The following APC variants were observed in gnomAD, a reference collection of about 807,000 sequenced individuals.
APC encodes adenomatous polyposis coli protein.
In APC, 72 loss-of-function variants were observed where a neutral mutation model predicts 247.0. That is an observed-to-expected ratio of 0.29 (90% CI 0.24 to 0.35). The LOEUF is 0.35. Ranked by LOEUF, APC falls within the 10% of genes least tolerant of loss-of-function variation. APC has a pLI of 1.00. For missense variants in APC, 3,400 were observed against 3,360.7 expected, an observed-to-expected ratio of 1.01 and a Z score of -0.29; for synonymous variants, 1,254 against 1,162.5, an observed-to-expected ratio of 1.08 and a Z score of -1.60.
At chr5:112,826,086 C>T (rs542161672) in intron 11 of APC, among the ~76,000 whole-genome samples, 128 of 152,286 alleles carry the variant, frequency 8.4e-4, no homozygotes, top group African/African-American at 2.8e-3. Flanking sequence ...TCTTGACCCA[C>T]GACAGAACTT....
intron 8 of APC, 79 bp downstream of exon 8, chr5:112,801,462 A>T (rs1580455907): frequency 1.9e-6 from 2 of 1,058,510 alleles, no homozygotes; most frequent in Non-Finnish European, 2.8e-6. Context: ...TCTAAGAATG[A>T]TCTATAAATC....
chr5:112,778,293 C>G (rs2149628353), intron 5 of APC: 1 of 152,568 alleles, frequency 6.6e-6, no homozygotes, highest in Admixed American at 6.5e-5. Context: ...CTGTCAGCCT[C>G]TCCCTCTCCA....
intron 4 of APC, 62 bp downstream of exon 4, chr5:112,767,452 TA>T: frequency 7.6e-7 from 1 of 1,317,796 alleles, no homozygotes; most frequent in South Asian, 1.3e-5. Flanking sequence ...TATTTTGTAA[TA>T]TAATATTTAA....
chr5:112,834,433 CG>C (rs1348837319), intron 14 of APC, among the ~76,000 whole-genome samples: 2 of 150,702 alleles, frequency 1.3e-5, no homozygotes, highest in Admixed American at 6.6e-5. Flanking sequence ...TTTGTAGAGA[CG>C]GGGTTTTACC....
rs757164742 is a variant in APC at position 112,838,161 on chromosome 5, G to A, written c.2567G>A (p.Arg856His). Residue 856 changes from arginine (R) to histidine (H), a missense_variant, in exon 16 of 16, where the codon CGC becomes CAC. Physicochemically the swap from Arg to His is conservative, Grantham distance 29. This residue lies in a region of APC where 715 missense variants were observed against 656.6 expected (regional missense o/e 1.09). Transcript: ENST00000257430. ...AAAGATAGAAGTTTGGAGAGAGAAC[G>A]CGGAATTGGTCTAGGCAACTACCAT... ...SEKDRSLERE[R>H]GIGLGNYHPA... The A allele has an allele frequency of 3.7e-6, 6 of 1,614,116 alleles. No individual in the cohort carries two copies. Among genetic ancestry groups the A allele is most frequent in the East Asian group, 2.2e-5 (1 of 44,874 alleles).
chr5:112,843,498 C>A lies in APC; in HGVS notation c.7904C>A (p.Thr2635Lys), dbSNP rs2149995926. The change falls in exon 16 of 16, where the codon ACA becomes AAA. Residue 2635 changes from threonine to lysine, a missense_variant. Thr to Lys is a moderately conservative substitution (Grantham distance 78, BLOSUM62 -1). Coordinates refer to ENST00000257430, the MANE Select transcript of APC (RefSeq NM_000038.6). The surrounding 1 kb of genome is among the most constrained non-coding windows in gnomAD (Gnocchi z 4.8). ...TCTCAGACCGTTTCCTCAGGTGCTA[C>A]AAATGGTGCTGAATCAAAGACTCTA... ...STSQTVSSGA[T>K]NGAESKTLIY... is the part of the protein sequence containing the mutation. The A allele has an allele frequency of 1.9e-6, 3 of 1,613,898 alleles. No homozygotes were observed. Among genetic ancestry groups the A allele is most frequent in the Non-Finnish European group, 2.5e-6 (3 of 1,179,796 alleles).
At chr5:112,732,368 G>A (rs958778263) in intron 1 of APC, among the ~76,000 whole-genome samples, 2 of 152,102 alleles carry the variant, frequency 1.3e-5, no homozygotes, top group African/African-American at 4.8e-5. Context: ...AAAGCTCCTC[G>A]GAGTACTAAA....
chr5:112,713,850 G>T (rs1751005064), intron 1 of APC, among the ~76,000 whole-genome samples: 1 of 152,092 alleles, frequency 6.6e-6, no homozygotes, highest in Non-Finnish European at 1.5e-5. Context: ...TAGAGACAGG[G>T]TTTCGCAATG....
intron 5 of APC, 107 bp from the exon 6 acceptor site, chr5:112,780,683 A>G (rs1458974514): frequency 3.9e-6 from 3 of 764,398 alleles, no homozygotes; most frequent in South Asian, 1.5e-5. Flanking sequence ...ACCATGACTG[A>G]CGTATTTGCT....
intron 1 of APC, among the ~76,000 whole-genome samples, chr5:112,749,555 G>A (rs75448677): frequency 7.0e-6 from 1 of 143,554 alleles, no homozygotes; most frequent in African/African-American, 2.6e-5. Context: ...CATGATCTTG[G>A]CTTACTGCAA....
Position 112,842,978 on chromosome 5 carries a change from T to A in APC, c.7384T>A (p.Phe2462Ile), listed in dbSNP as rs2149985791. 1 of 1,614,060 alleles carries A rather than the reference T, an allele frequency of 6.2e-7. No homozygotes were observed. The change falls in exon 16 of 16, where the codon TTT becomes ATT. Residue 2462 changes from phenylalanine to isoleucine, a missense_variant. By Grantham distance (21) the Phe-to-Ile change is conservative. This residue lies in a region of APC where 1,788 missense variants were observed against 1,649.5 expected (regional missense o/e 1.08). Transcript: ENST00000257430. ...LRRKLEESAS[F>I]ESLSPSSRPA... ...AAGAAAATTGGAGGAATCTGCTTCA[T>A]TTGAATCTCTTTCTCCATCATCTAG...
intron 8 of APC, among the ~76,000 whole-genome samples, chr5:112,805,107 CTG>C (rs1382950498): frequency 6.6e-6 from 1 of 150,496 alleles, no homozygotes; most frequent in African/African-American, 2.4e-5. Flanking sequence ...GTTCTTTAAA[CTG>C]TTATCAATAG....
chr5:112,783,741 G>T, intron 6 of APC: 1 of 306,154 alleles, frequency 3.3e-6, no homozygotes, highest in South Asian at 2.5e-5. Flanking sequence ...AGGCTGCAGT[G>T]AGCTACAATC....
chr5:112,727,674 G>A (rs1751863501), intron 1 of APC, among the ~76,000 whole-genome samples: 1 of 151,788 alleles, frequency 6.6e-6, no homozygotes, highest in African/African-American at 2.4e-5. Flanking sequence ...TTGTTTTCTT[G>A]GGAAAAAGAC....
At chr5:112,731,435 G>C (rs1752093375) in intron 1 of APC, among the ~76,000 whole-genome samples, 1 of 152,168 alleles carries the variant, frequency 6.6e-6, no homozygotes, top group Non-Finnish European at 1.5e-5. Context: ...GAAGGAGGAA[G>C]GACAGGAGAC....
In APC at chr5:112,843,194, G is replaced by A. The variant is rs1336219978; in HGVS notation, c.7600G>A (p.Glu2534Lys). 1 of 1,613,568 alleles carries A rather than the reference G, an allele frequency of 6.2e-7. No individual in the cohort carries two copies. The highest frequency in any genetic ancestry group is 1.7e-5 in the Admixed American group (1 of 60,018). The change falls in exon 16 of 16, where the codon GAA (glutamate) becomes AAA (lysine). Residue 2534 changes from glutamate to lysine, a missense_variant. Glu to Lys is a moderately conservative substitution (Grantham distance 56). Transcript: ENST00000257430. The surrounding 1 kb of genome is among the most constrained non-coding windows in gnomAD (Gnocchi z 4.8). Reference protein sequence around the residue: ...KRHDIARSHSESPSRLPINRS... With the variant: ...KRHDIARSHSKSPSRLPINRS... ...CCATGATATTGCACGGTCTCATTCTGAAAGTCCTTCTAGACTTCCAATCAA... is the reference window on the plus strand; with the variant it reads ...CCATGATATTGCACGGTCTCATTCTAAAAGTCCTTCTAGACTTCCAATCAA...
In APC at chr5:112,812,970, A is replaced by G. The variant is rs1644804809; in HGVS notation, c.835-2525A>G. 2.0e-5 allele frequency among the ~76,000 whole-genome samples: 3 copies of G among 152,306 alleles called. No homozygotes were observed. The South Asian group carries it at 6.2e-4, about 32-fold the overall frequency. On this transcript the variant is annotated intron_variant, in intron 8 of 15. Transcript: ENST00000257430. ...GAGGATTACTAATTAGTTTTGTCCTAGAAGTGTCCCTAGTCAGCATAAAGA... is the reference window on the plus strand; with the variant it reads ...GAGGATTACTAATTAGTTTTGTCCTGGAAGTGTCCCTAGTCAGCATAAAGA...
At chr5:112,792,694 T>C (rs1759765796) in intron 7 of APC, among the ~76,000 whole-genome samples, 165 bp downstream of exon 7, 1 of 152,234 alleles carries the variant, frequency 6.6e-6, no homozygotes, top group South Asian at 2.1e-4. Flanking sequence ...AGATTTGGAC[T>C]ATTTTGATTT....
chr5:112,816,486 T>A (rs1762523886), intron 9 of APC, among the ~76,000 whole-genome samples: 1 of 152,138 alleles, frequency 6.6e-6, no homozygotes. Context: ...TTGGGAATAA[T>A]GTTTGAAAAG....
Sources: gnomAD v4.1 joint callset for allele counts (sites outside exome capture counted in the v4.1 genomes callset) on GRCh38, gnomAD v4.1.1 for gene constraint, gnomAD v4.1.1 regional missense constraint, Gnocchi (gnomAD v3.1) non-coding constraint, MANE v1.5 for transcripts, NCBI Gene and HGNC (gene_info 2026-07-23, HGNC 2026-07-21) for gene names.